Variants in OPHN1 observed in about 807,000 individuals in gnomAD.
OPHN1 encodes oligophrenin-1.
A neutral mutation model predicts 60.7 loss-of-function variants in OPHN1; 11 were observed. The observed-to-expected ratio is 0.18, with a 90% CI of 0.11 to 0.30. The LOEUF (loss-of-function observed/expected upper bound fraction) is 0.30. Ranked by LOEUF, OPHN1 falls within the 10% of genes least tolerant of loss-of-function variation. OPHN1 has a pLI of 1.00. For missense variants in OPHN1, 449 were observed against 611.0 expected (o/e 0.73, Z 2.80); for synonymous variants, 226 against 222.6 (o/e 1.02, Z -0.14).
intron 5 of OPHN1, among the ~76,000 whole-genome samples, chrX:68,265,313 T>A (rs1308573740): frequency 2.7e-5 from 3 of 111,746 alleles, no homozygotes; most frequent in Admixed American, 1.9e-4. Context: ...CACAGCCAGG[T>A]ACTCCTCTGA....
chrX:68,095,258 G>T (rs1401746322), intron 19 of OPHN1, among the ~76,000 whole-genome samples: 3 of 111,300 alleles, frequency 2.7e-5, no homozygotes, highest in African/African-American at 9.8e-5. Flanking sequence ...TCACATCTGG[G>T]CTCTAGAACA....
chrX:68,417,975 A>G (rs1417211931), intron 2 of OPHN1, among the ~76,000 whole-genome samples: 1 of 112,808 alleles, frequency 8.9e-6, no homozygotes, highest in African/African-American at 3.2e-5. Flanking sequence ...AATGTCAGAC[A>G]GGGGCTTGTA....
At chrX:68,096,693 T>C (rs942063518) in intron 19 of OPHN1, among the ~76,000 whole-genome samples, 177 bp downstream of exon 19, 3 of 111,747 alleles carry the variant, frequency 2.7e-5, no homozygotes, top group African/African-American at 9.8e-5. Flanking sequence ...GCTTAAGCAA[T>C]GTTTGCTGAA....
intron 15 of OPHN1, among the ~76,000 whole-genome samples, chrX:68,125,662 C>G (rs755484821): frequency 2.8e-5 from 3 of 108,738 alleles, no homozygotes; most frequent in African/African-American, 1.0e-4. Context: ...CGACCAATAA[C>G]AAGGAACAAG....
chrX:68,277,818 T>C (rs1308401386), intron 4 of OPHN1, among the ~76,000 whole-genome samples: 1 of 111,705 alleles, frequency 9.0e-6, no homozygotes. Flanking sequence ...TAAATAAATG[T>C]AATACCTAAG....
At chrX:68,261,517 C>T (rs756873274) in intron 5 of OPHN1, among the ~76,000 whole-genome samples, 1 of 110,504 alleles carries the variant, frequency 9.0e-6, no homozygotes, top group African/African-American at 3.3e-5. Flanking sequence ...TATAGGAAGG[C>T]GAATAGTGGT....
intron 2 of OPHN1, among the ~76,000 whole-genome samples, chrX:68,312,340 A>T (rs1258098684): frequency 1.0e-5 from 1 of 96,256 alleles, no homozygotes; most frequent in African/African-American, 4.0e-5. Flanking sequence ...AAGCAATCCC[A>T]CATGCCTCGG....
At chrX:68,172,827 T>G (rs181616124) in intron 15 of OPHN1, among the ~76,000 whole-genome samples, 126 of 111,296 alleles carry the variant, frequency 1.1e-3, no homozygotes, top group African/African-American at 4.0e-3. Flanking sequence ...TGTCTCGGTA[T>G]CCGTTCTGAA....
chrX:68,061,272 G>T (rs1270104128), intron 21 of OPHN1, among the ~76,000 whole-genome samples: 2 of 111,898 alleles, frequency 1.8e-5, no homozygotes, highest in African/African-American at 6.5e-5. Flanking sequence ...CATTAGATCA[G>T]AGTAGCTGCC....
At chrX:68,325,209 T>C (rs1050824245) in intron 2 of OPHN1, among the ~76,000 whole-genome samples, 5 of 110,725 alleles carry the variant, frequency 4.5e-5, no homozygotes, top group African/African-American at 1.6e-4. Flanking sequence ...TGGAACTTGA[T>C]GAACTCAGTC....
intron 2 of OPHN1, among the ~76,000 whole-genome samples, chrX:68,398,960 A>AGTGTGTGTGT (rs113103699): frequency 2.8e-4 from 27 of 95,239 alleles, no homozygotes; most frequent in African/African-American, 5.0e-4. Flanking sequence ...AAACAAAAAA[A>AGTGTGTGTGT]GTGTGTGTGT....
chrX:68,300,177 C>T (rs1334595596), intron 2 of OPHN1, among the ~76,000 whole-genome samples: 2 of 111,559 alleles, frequency 1.8e-5, no homozygotes, highest in African/African-American at 6.5e-5. Flanking sequence ...CATCATCCTC[C>T]TCCATCCTGC....
chrX:68,389,743 A>T (rs2078644359), intron 2 of OPHN1, among the ~76,000 whole-genome samples: 1 of 108,584 alleles, frequency 9.2e-6, no homozygotes, highest in African/African-American at 3.3e-5. Flanking sequence ...AAGAGTGTTG[A>T]ATCTGGACCC....
intron 3 of OPHN1, among the ~76,000 whole-genome samples, chrX:68,293,653 G>T (rs1459275220): frequency 8.9e-6 from 1 of 111,840 alleles, no homozygotes; most frequent in Non-Finnish European, 1.9e-5. Context: ...TGCTATCAGG[G>T]TTCACCTAAT....
At chrX:68,098,110 C>T (rs2077044524) in intron 18 of OPHN1, among the ~76,000 whole-genome samples, 2 of 110,493 alleles carry the variant, frequency 1.8e-5, no homozygotes, top group South Asian at 3.9e-4. Flanking sequence ...GAATATCCCC[C>T]CTCTCCCTAC....
At chrX:68,098,845 C>G (rs1366665077) in intron 18 of OPHN1, among the ~76,000 whole-genome samples, 1 of 111,320 alleles carries the variant, frequency 9.0e-6, no homozygotes, top group Non-Finnish European at 1.9e-5. Flanking sequence ...CCCAGCAGCT[C>G]ACAGAATCAT....
At chrX:68,117,179 T>TC (rs1472759925) in intron 16 of OPHN1, among the ~76,000 whole-genome samples, 1 of 110,755 alleles carries the variant, frequency 9.0e-6, no homozygotes, top group African/African-American at 3.3e-5. Context: ...CACTCAATAC[T>TC]CCCCCTATAC....
chrX:68,411,577 A>T (rs1449544065), intron 2 of OPHN1, among the ~76,000 whole-genome samples: 1 of 112,274 alleles, frequency 8.9e-6, no homozygotes, highest in Non-Finnish European at 1.9e-5. Flanking sequence ...TCTTTTGAAA[A>T]GTGTCAGTCG....
At chrX:68,081,457 A>G (rs146733844) in intron 19 of OPHN1, among the ~76,000 whole-genome samples, 35 of 111,769 alleles carry the variant, frequency 3.1e-4, no homozygotes, top group African/African-American at 1.1e-3. Context: ...TGATGGTTGA[A>G]TGAGGTAACA....
Sources: allele counts gnomAD v4.1 joint callset (sites outside exome capture counted in the v4.1 genomes callset), GRCh38; gene constraint gnomAD v4.1.1; transcripts MANE v1.5; gene names NCBI Gene and HGNC (gene_info 2026-07-23, HGNC 2026-07-21).